The following ZDHHC19 variants were observed in gnomAD, a reference collection of about 807,000 sequenced individuals.
ZDHHC19 encodes the protein palmitoyltransferase ZDHHC19.
Under a neutral mutation model 33.9 loss-of-function variants are expected in ZDHHC19, and 30 were observed. The observed-to-expected ratio is 0.88, with a 90% CI of 0.66 to 1.20. ZDHHC19 has a LOEUF of 1.20. Ranked by LOEUF, ZDHHC19 falls within the 50% of genes most tolerant of loss-of-function variation. The probability of loss-of-function intolerance (pLI) is 0.00; values close to 1 mark genes in which losing one functional copy is unlikely to be tolerated. For synonymous variants in ZDHHC19, 178 were observed against 167.6 expected (o/e 1.06, Z -0.48); for missense variants, 364 against 401.1 (o/e 0.91, Z 0.79).
chr3:196,200,571 G>T (rs367700446), intron 5 of ZDHHC19, among the ~76,000 whole-genome samples: 11 of 149,972 alleles, frequency 7.3e-5, no homozygotes, highest in Non-Finnish European at 1.3e-4. Flanking sequence ...AGCCAGGATG[G>T]TCTCGATCTC....
intron 5 of ZDHHC19, among the ~76,000 whole-genome samples, chr3:196,204,739 A>C (rs1722602149): frequency 6.6e-6 from 1 of 152,206 alleles, no homozygotes; most frequent in Non-Finnish European, 1.5e-5. Flanking sequence ...AGCAATTGGA[A>C]TTCTTATATA....
At chr3:196,201,229 C>T (rs113654348) in intron 5 of ZDHHC19, among the ~76,000 whole-genome samples, 20 of 151,598 alleles carry the variant, frequency 1.3e-4, no homozygotes, top group African/African-American at 4.1e-4. Flanking sequence ...CCCACCATCA[C>T]GCCCAGCTAA....
chr3:196,200,638 GC>G (rs1186566080), intron 5 of ZDHHC19, among the ~76,000 whole-genome samples: 5 of 146,914 alleles, frequency 3.4e-5, no homozygotes, highest in South Asian at 2.1e-4. Flanking sequence ...ACAAGCGTGA[GC>G]CACCACGCCT....
In ZDHHC19 at chr3:196,211,268, G is replaced by A. The variant is rs1198729118; in HGVS notation, c.48C>T (p.Pro16=). 3.7e-6 allele frequency: 6 copies of A among 1,614,156 alleles called. 1 individual carries two copies. In the South Asian group the frequency reaches 6.6e-5, roughly 18 times the overall value. Residue 16 remains proline, a synonymous_variant, in exon 1 of 8, where the codon CCC becomes CCT. Transcript: ENST00000296326. The part of the protein sequence containing the change: ...DATPLVKEPH[P]LPLVPRPWFL... ...ACCAGGGACGTGGGACCAGAGGCAG[G>A]GGATGGGGCTCCTTCACCAGCGGCG...
At chr3:196,201,469 T>A (rs1258730817) in intron 5 of ZDHHC19, among the ~76,000 whole-genome samples, 1 of 149,942 alleles carries the variant, frequency 6.7e-6, no homozygotes, top group Non-Finnish European at 1.5e-5. Context: ...ACACCTGTAA[T>A]CCCAGCACTT....
chr3:196,209,296 C>T (rs1310492303), intron 3 of ZDHHC19, 80 bp downstream of exon 3: 2 of 1,507,758 alleles, frequency 1.3e-6, no homozygotes, highest in Admixed American at 2.1e-5. Context: ...CACACCCAGC[C>T]CTGGCCCCTG....
chr3:196,210,861 A>C, intron 1 of ZDHHC19, 124 bp from the exon 2 acceptor site: 1 of 1,409,082 alleles, frequency 7.1e-7, no homozygotes, highest in Non-Finnish European at 9.4e-7. Context: ...CAGGCTCCAA[A>C]TACCCAGGCA....
intron 4 of ZDHHC19, among the ~76,000 whole-genome samples, 194 bp downstream of exon 4, chr3:196,208,194 G>C (rs750337510): frequency 2.0e-5 from 3 of 151,976 alleles, no homozygotes; most frequent in Non-Finnish European, 4.4e-5. Flanking sequence ...CCACCGCGCC[G>C]GCCCGGGGGA....
At position 196,200,474 on chromosome 3, in the gene ZDHHC19, C is replaced by G. The variant is rs557740003; in HGVS notation, c.688-1600G>C. On this transcript the variant is annotated intron_variant, in intron 5 of 7. Coordinates refer to ENST00000296326, the MANE Select transcript of ZDHHC19 (RefSeq NM_001039617.2). ...GGTTCACGCCATTCTCCTGCCTCAGCCTCCCAAGTAGCTGGGATTACAGGT... is the reference window on the plus strand; with the variant it reads ...GGTTCACGCCATTCTCCTGCCTCAGGCTCCCAAGTAGCTGGGATTACAGGT... Among the ~76,000 whole-genome samples, 239 of 148,672 alleles carry G rather than the reference C, an allele frequency of 1.6e-3. 2 individuals are homozygous for G. Among genetic ancestry groups the G allele is most frequent in the Non-Finnish European group, 2.5e-3 (170 of 67,586 alleles).
intron 5 of ZDHHC19, among the ~76,000 whole-genome samples, chr3:196,199,818 G>GCACA (rs1722113073): frequency 6.6e-6 from 1 of 151,704 alleles, no homozygotes; most frequent in Non-Finnish European, 1.5e-5. Context: ...GGTGGCGGGT[G>GCACA]CCTGTGATCC....
chr3:196,207,594 GA>G (rs1722851923), intron 4 of ZDHHC19, 91 bp from the exon 5 acceptor site: 70 of 415,330 alleles, frequency 1.7e-4, no homozygotes, highest in South Asian at 2.7e-4. Context: ...CCCGCCCCCG[GA>G]CGCCCGCCCC....
At position 196,207,423 on chromosome 3, in the gene ZDHHC19, G is replaced by A; in HGVS notation, c.662C>T (p.Ser221Leu). The A allele has an allele frequency of 6.4e-7, 1 of 1,569,368 alleles. No individual in the cohort carries two copies. Among genetic ancestry groups the A allele is most frequent in the South Asian group, 1.2e-5 (1 of 85,228 alleles). ...LLLIQALSVS[S>L]ADRTYKGKCR... ...CTTGCCCTTGTAGGTGCGGTCGGCCGAGCTCACGGACAGTGCCTGGATCAG... is the reference window on the plus strand; with the variant it reads ...CTTGCCCTTGTAGGTGCGGTCGGCCAAGCTCACGGACAGTGCCTGGATCAG... The change falls in exon 5 of 8, where the codon TCG becomes TTG. Residue 221 changes from serine (S) to leucine (L), a missense_variant. Physicochemically the swap from Ser to Leu is moderately radical, Grantham distance 145. Coordinates refer to ENST00000296326, the MANE Select transcript of ZDHHC19 (RefSeq NM_001039617.2).
intron 5 of ZDHHC19, among the ~76,000 whole-genome samples, chr3:196,204,712 C>T (rs11185517): frequency 0.23 from 35,186 of 152,070 alleles, 4,202 homozygotes; most frequent in East Asian, 0.36. Context: ...CAACATCAAA[C>T]GTTCGTAAGG....
At chr3:196,210,575 C>T in intron 2 of ZDHHC19, 41 bp downstream of exon 2, 1 of 1,613,256 alleles carries the variant, frequency 6.2e-7, no homozygotes, top group Non-Finnish European at 8.5e-7. Context: ...GTTCCCAGCC[C>T]TTGAGTGACA....
chr3:196,198,370 G>A lies in ZDHHC19; in HGVS notation c.855C>T (p.Ser285=). The change falls in exon 7 of 8, where the codon TCC becomes TCT. Residue 285 remains serine, a synonymous_variant. Transcript: ENST00000296326. The stretch of plus-strand genomic sequence containing the variant: ...GGGCTGGGGGGTTGAGAGCAGAGGG[G>A]GACATTGGAGGGTGCAGATTCGGCA... ...TSMPNLHPPM[S]PSALNPPAPT... 6.5e-7 allele frequency: 1 copy of A among 1,531,374 alleles called. No homozygotes were observed. The highest frequency in any genetic ancestry group is 8.8e-7 in the Non-Finnish European group (1 of 1,138,986). 94.9% of individuals were successfully genotyped at this position (1,531,374 alleles called of 1,614,324 possible).
chr3:196,200,538 T>C (rs1050066248), intron 5 of ZDHHC19, among the ~76,000 whole-genome samples: 6 of 149,754 alleles, frequency 4.0e-5, no homozygotes, highest in Non-Finnish European at 4.4e-5. Flanking sequence ...GTATTTTTAG[T>C]AGAGACGGGG....
Position 196,210,750 on chromosome 3 carries a change from G to A in ZDHHC19, c.147-13C>T, listed in dbSNP as rs751211151. 1.2e-6 allele frequency: 2 copies of A among 1,612,206 alleles called. No individual in the cohort carries two copies. The highest frequency in any genetic ancestry group is 4.5e-5 in the East Asian group (2 of 44,868). The stretch of plus-strand genomic sequence containing the variant: ...CAGCCACCTGCAACTGAGACCAGAG[G>A]CAGGCTCGGTCCTGAGCAGGGGCAG... On this transcript the variant is annotated splice_polypyrimidine_tract_variant and intron_variant, in intron 1 of 7. Transcript: ENST00000296326.
chr3:196,205,917 G>A (rs1272452225), intron 5 of ZDHHC19, among the ~76,000 whole-genome samples: 2 of 151,708 alleles, frequency 1.3e-5, no homozygotes, highest in East Asian at 3.9e-4. Flanking sequence ...CACCCACCTC[G>A]GCCTCCCAAA....
At chr3:196,208,294 T>G in intron 4 of ZDHHC19, 94 bp downstream of exon 4, 2 of 1,186,632 alleles carry the variant, frequency 1.7e-6, no homozygotes, top group Middle Eastern at 3.5e-4. Context: ...CCAGGCGGCT[T>G]CTCCCTCTAG....
Sources: gnomAD v4.1 joint callset for allele counts (sites outside exome capture counted in the v4.1 genomes callset) on GRCh38, gnomAD v4.1.1 for gene constraint, MANE v1.5 for transcripts, NCBI Gene and HGNC (gene_info 2026-07-23, HGNC 2026-07-21) for gene names.